GRID2: variants seen among roughly 807,000 people sequenced by gnomAD.
GRID2 encodes glutamate receptor ionotropic, delta-2.
GRID2 carries 33 observed loss-of-function variants against 114.8 expected under a neutral mutation model. The observed-to-expected ratio is 0.29, with a 90% CI of 0.22 to 0.38. The LOEUF is 0.38. GRID2 is among the 10% of genes least tolerant of loss of function. The probability of loss-of-function intolerance (pLI) is 1.00; values close to 1 mark genes in which losing one functional copy is unlikely to be tolerated. For missense variants in GRID2, 1,184 were observed against 1,257.7 expected (o/e 0.94, Z 0.89); for synonymous variants, 505 against 449.9 (o/e 1.12, Z -1.55).
chr4:92,690,943 G>A (rs933931865), intron 2 of GRID2, among the ~76,000 whole-genome samples: 1 of 152,034 alleles, frequency 6.6e-6, no homozygotes. Flanking sequence ...AAAAATAGTT[G>A]GAAGGAGAGT....
At chr4:93,054,203 G>C (rs528439948) in intron 2 of GRID2, among the ~76,000 whole-genome samples, 9 of 151,862 alleles carry the variant, frequency 5.9e-5, no homozygotes, top group Admixed American at 5.9e-4. Flanking sequence ...AACAAGCAAA[G>C]TATGGATTTT....
intron 14 of GRID2, among the ~76,000 whole-genome samples, chr4:93,745,831 T>G (rs776344955): frequency 1.3e-5 from 2 of 152,220 alleles, no homozygotes; most frequent in Admixed American, 1.3e-4. Context: ...CTTTTTTGTT[T>G]GTTTGTTTGT....
At position 92,589,193 on chromosome 4, in the gene GRID2, A is replaced by G. The variant is rs1390550909; in HGVS notation, c.89-938A>G. On this transcript the variant is annotated intron_variant, in intron 1 of 15. Coordinates refer to ENST00000282020, the MANE Select transcript of GRID2 (RefSeq NM_001510.4). ...TGGCTTTATAATACACACTGTGTAT[A>G]TAATGATAATACACACAATGTGAGG... 2.0e-5 allele frequency among the ~76,000 whole-genome samples: 3 copies of G among 152,336 alleles called. No individual in the cohort carries two copies. The East Asian group carries it at 5.8e-4, about 29-fold the overall frequency.
chr4:92,377,792 C>T (rs1282049035), intron 1 of GRID2, among the ~76,000 whole-genome samples: 3 of 152,036 alleles, frequency 2.0e-5, no homozygotes, highest in African/African-American at 7.2e-5. Flanking sequence ...ATAAAACCAT[C>T]GGATCTCATG....
intron 2 of GRID2, among the ~76,000 whole-genome samples, chr4:92,974,837 A>G (rs893797406): frequency 3.3e-5 from 5 of 151,930 alleles, no homozygotes; most frequent in Admixed American, 3.3e-4. Context: ...AGTATAATTA[A>G]ACAAACAAAA....
chr4:93,444,458 A>G (rs1319907774), intron 10 of GRID2, among the ~76,000 whole-genome samples: 2 of 151,982 alleles, frequency 1.3e-5, no homozygotes, highest in African/African-American at 4.8e-5. Context: ...GCTGTCAGAG[A>G]AAAAAATCTA....
intron 1 of GRID2, among the ~76,000 whole-genome samples, chr4:92,448,974 C>T (rs1170647697): frequency 1.3e-5 from 2 of 151,698 alleles, no homozygotes; most frequent in African/African-American, 4.8e-5. Context: ...ATAGATAATC[C>T]CTCTCCACAA....
chr4:93,348,573 C>T (rs939609970), intron 8 of GRID2, among the ~76,000 whole-genome samples: 1 of 152,112 alleles, frequency 6.6e-6, no homozygotes, highest in African/African-American at 2.4e-5. Flanking sequence ...TAAATGCCAT[C>T]TCCTGGAATG....
At chr4:93,441,059 C>T (rs1450385615) in intron 10 of GRID2, among the ~76,000 whole-genome samples, 1 of 152,018 alleles carries the variant, frequency 6.6e-6, no homozygotes, top group African/African-American at 2.4e-5. Context: ...TGGTGGGTTA[C>T]AGCTTATCCA....
At chr4:93,727,952 A>G (rs772814527) in intron 14 of GRID2, among the ~76,000 whole-genome samples, 3 of 152,208 alleles carry the variant, frequency 2.0e-5, no homozygotes, top group East Asian at 1.9e-4. Context: ...GGATTCATTA[A>G]TTTTTTGAAG....
At chr4:93,176,143 T>C (rs1392547833) in intron 4 of GRID2, among the ~76,000 whole-genome samples, 1 of 152,196 alleles carries the variant, frequency 6.6e-6, no homozygotes, top group Admixed American at 6.5e-5. Flanking sequence ...TGGAAATTGA[T>C]TTTTTTAAAA....
At chr4:93,217,610 G>A (rs929281355) in intron 6 of GRID2, among the ~76,000 whole-genome samples, 1 of 151,530 alleles carries the variant, frequency 6.6e-6, no homozygotes, top group African/African-American at 2.4e-5. Flanking sequence ...TGAAGGGGGT[G>A]TTACACAAAG....
At chr4:92,770,329 A>G (rs1462380437) in intron 2 of GRID2, among the ~76,000 whole-genome samples, 1 of 152,166 alleles carries the variant, frequency 6.6e-6, no homozygotes, top group Non-Finnish European at 1.5e-5. Flanking sequence ...AAAGCCATTC[A>G]ACAAGTCTCT....
At chr4:92,571,086 G>A (rs113365740) in intron 1 of GRID2, among the ~76,000 whole-genome samples, 4,286 of 151,976 alleles carry the variant, frequency 0.028, 182 homozygotes, top group African/African-American at 0.089. Context: ...TGTGGGTATA[G>A]CATATATGGC....
downstream of GRID2, among the ~76,000 whole-genome samples, chr4:93,776,800 ACTAT>A (rs778904740): frequency 6.6e-6 from 1 of 152,186 alleles, no homozygotes; most frequent in Non-Finnish European, 1.5e-5. Context: ...ACAGAAAATT[ACTAT>A]CTAACCCTTC....
At chr4:92,563,068 C>G (rs1727171578) in intron 1 of GRID2, among the ~76,000 whole-genome samples, 2 of 152,114 alleles carry the variant, frequency 1.3e-5, no homozygotes, top group South Asian at 2.1e-4. Context: ...TTTGAGACTG[C>G]CTCATGAGTG....
chr4:93,617,985 C>T (rs989852048), intron 13 of GRID2, among the ~76,000 whole-genome samples: 1 of 150,662 alleles, frequency 6.6e-6, no homozygotes, highest in Admixed American at 6.6e-5. Flanking sequence ...TACTACCCCC[C>T]CTAACCTTCT....
intron 2 of GRID2, among the ~76,000 whole-genome samples, chr4:92,688,073 G>C (rs1734008063): frequency 1.2e-5 from 1 of 81,848 alleles, no homozygotes; most frequent in African/African-American, 4.3e-5. Context: ...TTTTGGGATG[G>C]AGTTTCGCTC....
At position 93,122,281 on chromosome 4, in the gene GRID2, G is replaced by A. The variant is rs542939655; in HGVS notation, c.735+11328G>A. On this transcript the variant is annotated intron_variant, in intron 4 of 15. Transcript: ENST00000282020. ...TTGTTTTGCATAATGTAAAGTGGAGGTAAAGATACATTTTATTTTCCATAT... is the reference window on the plus strand; with the variant it reads ...TTGTTTTGCATAATGTAAAGTGGAGATAAAGATACATTTTATTTTCCATAT... 1.2e-4 allele frequency among the ~76,000 whole-genome samples: 18 copies of A among 152,208 alleles called. No individual in the cohort carries two copies. The East Asian group carries it at 3.1e-3, about 26-fold the overall frequency.
Sources: gnomAD v4.1 joint callset for allele counts (sites outside exome capture counted in the v4.1 genomes callset) on GRCh38, gnomAD v4.1.1 for gene constraint, MANE v1.5 for transcripts, NCBI Gene and HGNC (gene_info 2026-07-23, HGNC 2026-07-21) for gene names.